The following PAG1 variants were observed in gnomAD, a reference collection of about 807,000 sequenced individuals.
PAG1 encodes phosphoprotein membrane anchor with glycosphingolipid microdomains 1.
PAG1 carries 23 observed loss-of-function variants against 31.7 expected under a neutral mutation model. That is an observed-to-expected ratio of 0.73 (90% CI 0.52 to 1.03). The LOEUF (loss-of-function observed/expected upper bound fraction) is 1.03, where lower values mean the gene tolerates loss of function less well. PAG1 is among the 50% of genes least tolerant of loss of function. PAG1 has a pLI of 0.00. For missense variants in PAG1, 473 were observed against 540.7 expected (o/e 0.87, Z 1.24); for synonymous variants, 214 against 210.3 (o/e 1.02, Z -0.15).
intron 2 of PAG1, among the ~76,000 whole-genome samples, chr8:81,068,928 T>C (rs149559783): frequency 3.3e-5 from 5 of 152,286 alleles, no homozygotes; most frequent in African/African-American, 1.2e-4. Flanking sequence ...CAGGCCATAA[T>C]GTGTGTAAGG....
chr8:81,002,238 TA>T lies in PAG1; in HGVS notation c.-80-8932del, dbSNP rs970941658. Among the ~76,000 whole-genome samples the T allele has an allele frequency of 2.4e-3, 366 of 151,048 alleles. 2 individuals are homozygous for T. Among genetic ancestry groups the T allele is most frequent in the African/African-American group, 8.2e-3 (337 of 41,174 alleles). ...TTTTTTTTTTTCATAATAAAAGACT[TA>T]AAAAAAAATAAACTTCAGTTTCTTT... On this transcript the variant is annotated intron_variant, in intron 3 of 8. Coordinates refer to ENST00000220597, the MANE Select transcript of PAG1 (RefSeq NM_018440.4).
intron 3 of PAG1, among the ~76,000 whole-genome samples, chr8:81,004,658 A>G (rs1325322099): frequency 6.6e-6 from 1 of 152,246 alleles, no homozygotes; most frequent in East Asian, 1.9e-4. Context: ...CAAAAAAGCC[A>G]CAAGTTCTTT....
Position 81,076,398 on chromosome 8 carries a change from T to C in PAG1, c.-233-6228A>G, listed in dbSNP as rs535796961. On this transcript the variant is annotated intron_variant, in intron 1 of 8. Coordinates refer to ENST00000220597, the MANE Select transcript of PAG1 (RefSeq NM_018440.4). The stretch of plus-strand genomic sequence containing the variant: ...GGTGACTAGATGGGCCTGAGGTCCT[T>C]GGGTAGGAGGAGCTGACGCTAATTT... 8.7e-4 allele frequency among the ~76,000 whole-genome samples: 132 copies of C among 152,278 alleles called. 2 individuals are homozygous for C. The highest frequency in any genetic ancestry group is 3.2e-3 in the African/African-American group (131 of 41,558).
intron 1 of PAG1, among the ~76,000 whole-genome samples, chr8:81,072,954 T>C (rs1809118464): frequency 6.6e-6 from 1 of 152,198 alleles, no homozygotes; most frequent in Admixed American, 6.5e-5. Flanking sequence ...TAGTGCATGC[T>C]GACAATGTTA....
At chr8:81,109,983 A>G (rs962138437) in intron 1 of PAG1, among the ~76,000 whole-genome samples, 3 of 150,408 alleles carry the variant, frequency 2.0e-5, no homozygotes, top group Non-Finnish European at 4.5e-5. Context: ...GCTCTCACAA[A>G]CCGCAATGTG....
chr8:80,976,974 A>C, intron 8 of PAG1, 68 bp from the exon 9 acceptor site: 1 of 1,446,190 alleles, frequency 6.9e-7, no homozygotes, highest in South Asian at 1.3e-5. Context: ...TTTAGTGACA[A>C]GCTACATACT....
At chr8:81,034,058 ATAAC>A (rs1244836409) in intron 2 of PAG1, among the ~76,000 whole-genome samples, 1 of 152,252 alleles carries the variant, frequency 6.6e-6, no homozygotes, top group African/African-American at 2.4e-5. Flanking sequence ...TGGAGGCAAG[ATAAC>A]TACTCAGTAT....
chr8:80,972,203 A>C lies in PAG1; in HGVS notation c.*4341T>G, dbSNP rs1024644070. Reference sequence around the variant, plus strand: ...GTACAATAAGCCTGTCAAGATTTCCAGGAAGTAATCATCAGTACCTACTGT... The same window carrying C: ...GTACAATAAGCCTGTCAAGATTTCCCGGAAGTAATCATCAGTACCTACTGT... On this transcript the variant is annotated 3_prime_UTR_variant, in exon 9 of 9. Coordinates refer to ENST00000220597, the MANE Select transcript of PAG1 (RefSeq NM_018440.4). 5.3e-5 allele frequency: 8 copies of C among 152,348 alleles called. No homozygotes were observed. Among genetic ancestry groups the C allele is most frequent in the African/African-American group, 1.9e-4 (8 of 41,586 alleles). The allele number at this position is 152,348 out of a possible 1,614,324, so 9.4% of individuals were successfully genotyped here.
intron 5 of PAG1, among the ~76,000 whole-genome samples, chr8:80,987,776 T>C (rs1372987544): frequency 6.6e-6 from 1 of 152,168 alleles, no homozygotes; most frequent in East Asian, 1.9e-4. Context: ...TAAAACAATA[T>C]AATATAATGA....
At position 80,980,518 on chromosome 8, in the gene PAG1, G is replaced by C. The variant is rs1807277785; in HGVS notation, c.877-24C>G. The C allele has an allele frequency of 2.6e-6, 4 of 1,528,916 alleles. No individual in the cohort carries two copies. The East Asian group carries it at 9.0e-5, about 34-fold the overall frequency. 94.7% of individuals were successfully genotyped at this position (1,528,916 alleles called of 1,614,324 possible). A position where few individuals can be genotyped will look rare whatever the true frequency, so the allele number is the denominator to read the frequency against. On this transcript the variant is annotated intron_variant, in intron 7 of 8. Transcript: ENST00000220597. ...CTCTGTCAGAACAAACACAAGCCAA[G>C]GAAAGTAATTCAGCGTTAACAATCT...
intron 2 of PAG1, among the ~76,000 whole-genome samples, chr8:81,037,672 T>A (rs528365632): frequency 7.7e-4 from 118 of 152,350 alleles, no homozygotes; most frequent in African/African-American, 2.6e-3. Context: ...CTCTAATTAT[T>A]AGCTTATAAA....
At chr8:80,982,141 C>T (rs557550083) in intron 7 of PAG1, among the ~76,000 whole-genome samples, 1 of 152,200 alleles carries the variant, frequency 6.6e-6, no homozygotes, top group Non-Finnish European at 1.5e-5. Context: ...GTTACGATTA[C>T]AGGCATGAGT....
chr8:81,110,010 T>G (rs907403790), intron 1 of PAG1, among the ~76,000 whole-genome samples: 3 of 152,206 alleles, frequency 2.0e-5, no homozygotes, highest in Non-Finnish European at 4.4e-5. Flanking sequence ...TGACTAACTT[T>G]TCAACTTCTG....
intron 1 of PAG1, among the ~76,000 whole-genome samples, chr8:81,103,766 T>A (rs370326347): frequency 1.3e-5 from 2 of 152,268 alleles, no homozygotes. Context: ...AAAAGCTTAG[T>A]TTTTACAATC....
intron 1 of PAG1, among the ~76,000 whole-genome samples, chr8:81,101,943 T>C (rs1268569483): frequency 3.3e-5 from 5 of 152,130 alleles, no homozygotes; most frequent in African/African-American, 4.8e-5. Context: ...TATATACTCA[T>C]AGAAAGATGA....
At chr8:81,031,073 G>A (rs1411676467) in intron 2 of PAG1, among the ~76,000 whole-genome samples, 1 of 152,094 alleles carries the variant, frequency 6.6e-6, no homozygotes. Flanking sequence ...ATCTACTGAT[G>A]TTCTTTTGTT....
intron 1 of PAG1, among the ~76,000 whole-genome samples, chr8:81,097,035 C>T (rs1323311148): frequency 6.6e-6 from 1 of 152,212 alleles, no homozygotes; most frequent in Non-Finnish European, 1.5e-5. Flanking sequence ...CCCTGCTACC[C>T]CTTCCACAAT....
chr8:81,006,926 T>C (rs188398167), intron 3 of PAG1, among the ~76,000 whole-genome samples: 70 of 152,324 alleles, frequency 4.6e-4, no homozygotes, highest in Non-Finnish European at 8.5e-4. Flanking sequence ...AAGCCCTTTG[T>C]ATGTAAGGCA....
At chr8:81,019,962 G>A (rs888143670) in intron 3 of PAG1, among the ~76,000 whole-genome samples, 1 of 152,194 alleles carries the variant, frequency 6.6e-6, no homozygotes. Context: ...GGCCATGGGA[G>A]CCCACCTCTT....
Sources: allele counts gnomAD v4.1 joint callset (sites outside exome capture counted in the v4.1 genomes callset), GRCh38; gene constraint gnomAD v4.1.1; transcripts MANE v1.5; gene names NCBI Gene and HGNC (gene_info 2026-07-23, HGNC 2026-07-21).